Variants in TENM3 observed in about 807,000 individuals in gnomAD.
The protein encoded by TENM3 is teneurin-3.
Under a neutral mutation model 255.1 loss-of-function variants are expected in TENM3, and 63 were observed. The ratio of observed to expected loss-of-function variants is 0.25; its 90% CI spans 0.20 to 0.30. The LOEUF is 0.30. TENM3 is among the 10% of genes least tolerant of loss of function. The probability of loss-of-function intolerance (pLI) is 1.00; values close to 1 mark genes in which losing one functional copy is unlikely to be tolerated. For synonymous variants in TENM3, 1,306 were observed against 1,322.3 expected (o/e 0.99, Z 0.27); for missense variants, 2,929 against 3,461.1 (o/e 0.85, Z 3.86).
chr4:182,347,121 A>G (rs1159160195), intron 3 of TENM3, among the ~76,000 whole-genome samples, 192 bp downstream of exon 3: 1 of 141,234 alleles, frequency 7.1e-6, no homozygotes, highest in Non-Finnish European at 1.6e-5. Flanking sequence ...TTTTTCCTGG[A>G]AAAAAAAATC....
Position 182,792,286 on chromosome 4 carries a change from C to T in TENM3, c.5614C>T (p.Leu1872=). 1 of 1,613,442 alleles carries T rather than the reference C, an allele frequency of 6.2e-7. No homozygotes were observed. Among genetic ancestry groups the T allele is most frequent in the Non-Finnish European group, 8.5e-7 (1 of 1,179,408 alleles). The change falls in exon 26 of 28, where the codon CTG becomes TTG. Residue 1872 remains leucine, a synonymous_variant. Coordinates refer to ENST00000511685, the MANE Select transcript of TENM3 (RefSeq NM_001080477.4). This position sits in a 1 kb window ranked among gnomAD's most constrained non-coding sequence, Gnocchi z 6.3. The stretch of plus-strand genomic sequence containing the variant: ...TCTCTCTTTACAGTCCATGGTTCTT[C>T]TGCTTCATAGCCAGCGGCAGTACAT... ...YTYLEKSMVL[L]LHSQRQYIFE...
the TENM3 span, among the ~76,000 whole-genome samples, chr4:182,114,484 C>T: frequency 2.0e-5 from 3 of 151,710 alleles, no homozygotes; most frequent in Non-Finnish European, 2.9e-5. Flanking sequence ...TTTTCTTCTT[C>T]GCCACAATCC....
chr4:181,683,921 T>C, the TENM3 span, among the ~76,000 whole-genome samples: 1 of 152,316 alleles, frequency 6.6e-6, no homozygotes, highest in Non-Finnish European at 1.5e-5. Context: ...GAGGTTAACA[T>C]GGAAGTCTTC....
the TENM3 span, among the ~76,000 whole-genome samples, chr4:181,754,875 C>T: frequency 4.6e-5 from 7 of 152,088 alleles, no homozygotes; most frequent in African/African-American, 7.2e-5. Context: ...CCCCAGAATA[C>T]GAAAATGTTA....
chr4:181,477,564 C>T, the TENM3 span, among the ~76,000 whole-genome samples: 3 of 151,968 alleles, frequency 2.0e-5, no homozygotes, highest in Admixed American at 1.3e-4. Flanking sequence ...ATGATTTTTC[C>T]CACTGCCAAA....
chr4:182,173,228 A>G (rs1752223249), intron 1 of TENM3, among the ~76,000 whole-genome samples: 1 of 152,206 alleles, frequency 6.6e-6, no homozygotes, highest in African/African-American at 2.4e-5. Flanking sequence ...AAGAGGCAGC[A>G]CTTGGACACC....
At chr4:182,463,181 A>C (rs532703082) in intron 3 of TENM3, among the ~76,000 whole-genome samples, 2 of 152,316 alleles carry the variant, frequency 1.3e-5, no homozygotes, top group African/African-American at 4.8e-5. Context: ...TGAAAATTTT[A>C]ATTTTTTTAA....
chr4:181,745,373 A>T, the TENM3 span, among the ~76,000 whole-genome samples: 1 of 152,250 alleles, frequency 6.6e-6, no homozygotes, highest in Non-Finnish European at 1.5e-5. Flanking sequence ...TTATGAAATC[A>T]GAATGTAAAA....
the TENM3 span, among the ~76,000 whole-genome samples, chr4:182,009,399 G>T: frequency 6.6e-6 from 1 of 151,782 alleles, no homozygotes; most frequent in Admixed American, 6.6e-5. Flanking sequence ...TGGGACATCC[G>T]AATTCTGTCC....
the TENM3 span, among the ~76,000 whole-genome samples, chr4:181,831,960 A>G: frequency 7.4e-4 from 96 of 129,710 alleles, no homozygotes; most frequent in African/African-American, 2.3e-3. Context: ...TAATATATAT[A>G]TATTACATTG....
At chr4:181,766,480 G>T in the TENM3 span, among the ~76,000 whole-genome samples, 5 of 152,114 alleles carry the variant, frequency 3.3e-5, no homozygotes, top group African/African-American at 4.8e-5. Flanking sequence ...GTAAACACAG[G>T]TCTAAAACTT....
In TENM3 at chr4:182,385,699, A is replaced by C. The variant is rs1269009356; in HGVS notation, c.511+38770A>C. Among the ~76,000 whole-genome samples the C allele has an allele frequency of 5.3e-5, 8 of 152,352 alleles. No homozygotes were observed. In the East Asian group the frequency reaches 9.6e-4, roughly 18 times the overall value. On this transcript the variant is annotated intron_variant, in intron 3 of 27. Transcript: ENST00000511685. ...ACTAAATGGGAAATGAAACAAAAAA[A>C]TTTCATATTTTAATGAATTTGTCCT...
chr4:182,317,002 G>T (rs116839711), intron 1 of TENM3, among the ~76,000 whole-genome samples: 2,038 of 152,244 alleles, frequency 0.013, 42 homozygotes, highest in African/African-American at 0.047. Flanking sequence ...GATGTCAATG[G>T]CTTGAAAACT....
intron 22 of TENM3, among the ~76,000 whole-genome samples, chr4:182,757,606 T>C (rs957407812): frequency 1.3e-5 from 2 of 152,140 alleles, no homozygotes; most frequent in East Asian, 3.9e-4. Flanking sequence ...CTGGTGGAGC[T>C]GATGTGGGAT....
the TENM3 span, among the ~76,000 whole-genome samples, chr4:182,082,012 C>T: frequency 6.6e-6 from 1 of 152,124 alleles, no homozygotes; most frequent in Non-Finnish European, 1.5e-5. Context: ...ATTTGGGGAA[C>T]ATAATTTTAC....
intron 23 of TENM3, among the ~76,000 whole-genome samples, chr4:182,774,278 T>C (rs1764502372): frequency 6.6e-6 from 1 of 152,234 alleles, no homozygotes; most frequent in Non-Finnish European, 1.5e-5. Flanking sequence ...TTTTTTTACC[T>C]GTTCCATGAA....
the TENM3 span, among the ~76,000 whole-genome samples, chr4:182,021,597 T>A: frequency 6.6e-6 from 1 of 152,204 alleles, no homozygotes; most frequent in Non-Finnish European, 1.5e-5. Context: ...TATAAAGATA[T>A]ATTTGTCCAT....
At chr4:182,536,391 C>G (rs1156236146) in intron 3 of TENM3, among the ~76,000 whole-genome samples, 1 of 152,230 alleles carries the variant, frequency 6.6e-6, no homozygotes, top group African/African-American at 2.4e-5. Context: ...ACTAATGCCT[C>G]TACTGGGCGC....
At chr4:182,440,206 G>A (rs1407483337) in intron 3 of TENM3, among the ~76,000 whole-genome samples, 5 of 147,168 alleles carry the variant, frequency 3.4e-5, no homozygotes, top group African/African-American at 1.3e-4. Context: ...TCCGCCTCTC[G>A]GGTTCAAGCG....
Sources: gnomAD v4.1 joint callset for allele counts (sites outside exome capture counted in the v4.1 genomes callset) on GRCh38, gnomAD v4.1.1 for gene constraint, Gnocchi (gnomAD v3.1) non-coding constraint, MANE v1.5 for transcripts, NCBI Gene and HGNC (gene_info 2026-07-23, HGNC 2026-07-21) for gene names.